The following MARCHF1 variants were observed in gnomAD, a reference collection of about 807,000 sequenced individuals.
The protein encoded by MARCHF1 is membrane associated ring-CH-type finger 1.
In MARCHF1, 40 loss-of-function variants were observed where a neutral mutation model predicts 54.2. That is an observed-to-expected ratio of 0.74 (90% confidence interval 0.57 to 0.96). The LOEUF is 0.96. Ranked by LOEUF, MARCHF1 falls within the 40% of genes least tolerant of loss-of-function variation. The probability of loss-of-function intolerance (pLI) is 0.00; values close to 1 mark genes in which losing one functional copy is unlikely to be tolerated. For synonymous variants in MARCHF1, 236 were observed against 236.3 expected, an observed-to-expected ratio of 1.00 and a Z score of 0.01; for missense variants, 586 against 656.5, an observed-to-expected ratio of 0.89 and a Z score of 1.17.
rs183770836 is a variant in MARCHF1 at position 164,145,022 on chromosome 4, C to T, written c.-322-33360G>A. ...CCGATCCCACAGAAATACGAACTAC[C>T]GTCAGAGAATACTACAAACACCTCT... On this transcript the variant is annotated intron_variant, in intron 1 of 9. Coordinates refer to ENST00000514618, the MANE Select transcript of MARCHF1 (RefSeq NM_001394959.1). Among the ~76,000 whole-genome samples, 745 of 138,474 alleles carry T rather than the reference C, an allele frequency of 5.4e-3. 14 individuals are homozygous for T. Among genetic ancestry groups the T allele is most frequent in the Non-Finnish European group, 7.5e-3 (497 of 65,946 alleles). 90.8% of individuals were successfully genotyped at this position (138,474 alleles called of 152,430 possible).
intron 4 of MARCHF1, among the ~76,000 whole-genome samples, chr4:163,848,649 T>C (rs1324394034): frequency 2.0e-5 from 3 of 152,294 alleles, no homozygotes; most frequent in East Asian, 1.9e-4. Flanking sequence ...ATGAGTAAAA[T>C]TGTGTTACAC....
At chr4:164,037,249 G>C (rs1015233776) in intron 2 of MARCHF1, among the ~76,000 whole-genome samples, 1 of 152,144 alleles carries the variant, frequency 6.6e-6, no homozygotes, top group Non-Finnish European at 1.5e-5. Context: ...CTGGGCTGGA[G>C]ATGAAAATTT....
Position 163,912,950 on chromosome 4 carries a change from CAT to C in MARCHF1, c.-38-58783_-38-58782del, listed in dbSNP as rs1158988866. Among the ~76,000 whole-genome samples the C allele has an allele frequency of 2.0e-5, 3 of 152,124 alleles. No homozygotes were observed. The East Asian group carries it at 5.8e-4, about 29-fold the overall frequency. ...AAGCAAGTTGCACATTAATTTAAAA[CAT>C]GTCACAGAAAGGCTCTTCCTAGATA... On this transcript the variant is annotated intron_variant, in intron 3 of 9. Coordinates refer to ENST00000514618, the MANE Select transcript of MARCHF1 (RefSeq NM_001394959.1).
chr4:163,963,399 C>T (rs1041575100), intron 3 of MARCHF1, among the ~76,000 whole-genome samples: 5 of 151,748 alleles, frequency 3.3e-5, no homozygotes, highest in Admixed American at 6.6e-5. Context: ...AATTGAAAAC[C>T]GATGATACCG....
intron 9 of MARCHF1, among the ~76,000 whole-genome samples, chr4:163,542,491 A>G (rs1738750899): frequency 6.6e-6 from 1 of 152,226 alleles, no homozygotes. Context: ...TGATAGAATC[A>G]TCTAAGGGTG....
chr4:163,567,824 T>TTTTTTA (rs1560946810), intron 8 of MARCHF1, among the ~76,000 whole-genome samples: 2 of 152,172 alleles, frequency 1.3e-5, no homozygotes, highest in African/African-American at 4.8e-5. Flanking sequence ...ACTTGATTTT[T>TTTTTTA]TTTTTATTTT....
chr4:164,140,315 C>CA (rs1230522527), intron 1 of MARCHF1, among the ~76,000 whole-genome samples: 12 of 150,900 alleles, frequency 8.0e-5, no homozygotes, highest in Middle Eastern at 3.4e-3. Context: ...TTTGAATAAA[C>CA]AAAAAAATCA....
chr4:163,597,434 C>T (rs1270364480), intron 7 of MARCHF1, among the ~76,000 whole-genome samples: 1 of 152,136 alleles, frequency 6.6e-6, no homozygotes, highest in African/African-American at 2.4e-5. Flanking sequence ...TCTCCAAAAG[C>T]TGTGTATGAA....
At chr4:163,912,170 C>G (rs1259757164) in intron 3 of MARCHF1, among the ~76,000 whole-genome samples, 1 of 151,702 alleles carries the variant, frequency 6.6e-6, no homozygotes. Context: ...TTTGTGTGAC[C>G]ATTTCTGCTT....
chr4:163,606,349 A>C (rs1257597996), intron 7 of MARCHF1, among the ~76,000 whole-genome samples: 1 of 152,080 alleles, frequency 6.6e-6, no homozygotes, highest in African/African-American at 2.4e-5. Flanking sequence ...GCACTGCCTG[A>C]ATTGTTCTGA....
chr4:164,371,980 G>A (rs937774899), intron 1 of MARCHF1, among the ~76,000 whole-genome samples: 1 of 152,150 alleles, frequency 6.6e-6, no homozygotes, highest in Non-Finnish European at 1.5e-5. Context: ...CCTCCTGCAG[G>A]CTGTGCCAGG....
intron 5 of MARCHF1, among the ~76,000 whole-genome samples, chr4:163,671,606 T>C (rs548065244): frequency 3.3e-5 from 5 of 152,222 alleles, no homozygotes; most frequent in African/African-American, 4.8e-5. Flanking sequence ...GGTGCCATTT[T>C]TTCCCTTAGC....
At chr4:164,050,161 G>C (rs1173195456) in intron 2 of MARCHF1, among the ~76,000 whole-genome samples, 4 of 150,976 alleles carry the variant, frequency 2.6e-5, no homozygotes, top group African/African-American at 9.7e-5. Flanking sequence ...TGTATTCCCA[G>C]CTATTCGGGA....
chr4:164,141,430 A>G (rs1005257030), intron 1 of MARCHF1, among the ~76,000 whole-genome samples: 1 of 152,230 alleles, frequency 6.6e-6, no homozygotes, highest in Non-Finnish European at 1.5e-5. Flanking sequence ...AAACCTATTT[A>G]TAGACAATGT....
At chr4:163,604,357 A>T (rs2110898369) in intron 7 of MARCHF1, among the ~76,000 whole-genome samples, 1 of 152,220 alleles carries the variant, frequency 6.6e-6, no homozygotes, top group Middle Eastern at 3.4e-3. Context: ...TGGTGTGGTT[A>T]CCTACCCAGT....
chr4:163,866,480 A>ATATATATATATATATATATATATATATG (rs1579352062), intron 3 of MARCHF1, among the ~76,000 whole-genome samples: 1 of 145,758 alleles, frequency 6.9e-6, no homozygotes, highest in Non-Finnish European at 1.5e-5. Flanking sequence ...ATATATATAT[A>ATATATATATATATATATATATATATATG]TAATAGGACT....
intron 2 of MARCHF1, among the ~76,000 whole-genome samples, chr4:164,093,006 T>C (rs1367613286): frequency 6.6e-6 from 1 of 152,124 alleles, no homozygotes; most frequent in Admixed American, 6.6e-5. Flanking sequence ...TAAAGAACCT[T>C]GGTAATTTGA....
In MARCHF1 at chr4:163,612,567, T is replaced by C; in HGVS notation, c.714A>G (p.Thr238=). The C allele has an allele frequency of 3.3e-6, 5 of 1,535,588 alleles. No homozygotes were observed. Among genetic ancestry groups the C allele is most frequent in the Non-Finnish European group, 4.4e-6 (5 of 1,146,544 alleles). Residue 238 remains threonine, a synonymous_variant, in exon 7 of 10, where the codon ACA becomes ACG. Transcript: ENST00000514618. ...CSLNLHRGKH[T]RYQECNPSLT... ...GAGAAGGGTTGCATTCTTGGTACCT[T>C]GTATGTTTTCCTCTGTGGAGATTTA...
At position 164,287,697 on chromosome 4, in the gene MARCHF1, T is replaced by C. The variant is rs536860612; in HGVS notation, c.-323+96173A>G. ...TGGTAGAAGCAGTGCTGGGATGACA[T>C]GAAAACTAATATCTTTGTCTTCATA... On this transcript the variant is annotated intron_variant, in intron 1 of 9. Transcript: ENST00000514618. Among the ~76,000 whole-genome samples, 13 of 152,312 alleles carry C rather than the reference T, an allele frequency of 8.5e-5. No homozygotes were observed. The South Asian group carries it at 1.7e-3, about 19-fold the overall frequency.
Sources: gnomAD v4.1 joint callset for allele counts (sites outside exome capture counted in the v4.1 genomes callset) on GRCh38, gnomAD v4.1.1 for gene constraint, MANE v1.5 for transcripts, NCBI Gene and HGNC (gene_info 2026-07-23, HGNC 2026-07-21) for gene names.